Variants in PRKACB observed in about 807,000 individuals in gnomAD.
PRKACB encodes the protein cAMP-dependent protein kinase catalytic subunit beta.
A neutral mutation model predicts 51.4 loss-of-function variants in PRKACB; 16 were observed. The observed-to-expected ratio is 0.31, with a 90% CI of 0.21 to 0.47. The LOEUF is 0.47. PRKACB is among the 20% of genes least tolerant of loss of function. PRKACB has a pLI of 1.00. For missense variants in PRKACB, 309 were observed against 464.5 expected (o/e 0.67, Z 3.08); for synonymous variants, 147 against 154.4 (o/e 0.95, Z 0.35).
intron 1 of PRKACB, among the ~76,000 whole-genome samples, chr1:84,158,073 CTT>C (rs35694160): frequency 2.8e-4 from 42 of 148,006 alleles, no homozygotes; most frequent in Middle Eastern, 3.4e-3. Flanking sequence ...GTCTTTCTTT[CTT>C]TTTTTTTTTT....
At chr1:84,168,910 C>A (rs1278440905) in intron 1 of PRKACB, among the ~76,000 whole-genome samples, 1 of 151,470 alleles carries the variant, frequency 6.6e-6, no homozygotes, top group African/African-American at 2.4e-5. Flanking sequence ...GGCATCACTA[C>A]CAGCAAGGAA....
At chr1:84,205,798 T>C (rs1462476458) in intron 8 of PRKACB, among the ~76,000 whole-genome samples, 1 of 152,068 alleles carries the variant, frequency 6.6e-6, no homozygotes, top group African/African-American at 2.4e-5. Context: ...CCTACACATA[T>C]TTTGCCTTTA....
chr1:84,079,140 A>G (rs1163233905), intron 1 of PRKACB, among the ~76,000 whole-genome samples: 4 of 151,754 alleles, frequency 2.6e-5, no homozygotes, highest in African/African-American at 4.8e-5. Flanking sequence ...CTGTATGGCG[A>G]TAAGGTGTGT....
chr1:84,205,937 A>G (rs930072637), intron 8 of PRKACB, among the ~76,000 whole-genome samples: 1 of 152,178 alleles, frequency 6.6e-6, no homozygotes, highest in Non-Finnish European at 1.5e-5. Flanking sequence ...CTAACAATAC[A>G]TATGCTGAGT....
At chr1:84,170,741 A>G (rs1466784195) in intron 1 of PRKACB, among the ~76,000 whole-genome samples, 1 of 151,728 alleles carries the variant, frequency 6.6e-6, no homozygotes, top group African/African-American at 2.4e-5. Flanking sequence ...TAGACATAGT[A>G]AAATTATCAC....
intron 1 of PRKACB, among the ~76,000 whole-genome samples, chr1:84,099,788 G>A (rs1649193467): frequency 6.6e-6 from 1 of 151,778 alleles, no homozygotes; most frequent in Non-Finnish European, 1.5e-5. Flanking sequence ...GTTTCTAGTT[G>A]TGAGGTTTAG....
intron 1 of PRKACB, chr1:84,164,263 T>A: frequency 6.8e-7 from 1 of 1,464,548 alleles, no homozygotes; most frequent in Non-Finnish European, 9.1e-7. Context: ...CTATCAGCGA[T>A]CTCGGCAATA....
rs879576981 is a variant in PRKACB at position 84,135,738 on chromosome 1, A to AT, written c.47-43430dup. Among the ~76,000 whole-genome samples the AT allele has an allele frequency of 3.6e-4, 55 of 151,204 alleles. 1 individual carries two copies. The South Asian group carries it at 4.0e-3, about 11-fold the overall frequency. On this transcript the variant is annotated intron_variant, in intron 1 of 8. Transcript: ENST00000370688. ...ATGATAATCAGAGTACAGTTTATCAATTTTTTTTTGCAATTTAGTAAAGGC... is the reference window on the plus strand; with the variant it reads ...ATGATAATCAGAGTACAGTTTATCAATTTTTTTTTTGCAATTTAGTAAAGGC...
intron 9 of PRKACB, among the ~76,000 whole-genome samples, chr1:84,215,076 A>G (rs1672698292): frequency 6.6e-6 from 1 of 152,342 alleles, no homozygotes; most frequent in African/African-American, 2.4e-5. Flanking sequence ...TTCTTGTGGC[A>G]TATTGGTCTC....
rs191784506 is a variant in PRKACB, at chr1:84,186,572, C to T, written c.560+1390C>T. ...CTGAGTGCGTTATTCCCTGGCCCCTCGACTCTGATTTAGTTAGGTATGATG... is the reference window on the plus strand; with the variant it reads ...CTGAGTGCGTTATTCCCTGGCCCCTTGACTCTGATTTAGTTAGGTATGATG... On this transcript the variant is annotated intron_variant, in intron 5 of 9. Coordinates refer to ENST00000370685, the MANE Select transcript of PRKACB (RefSeq NM_182948.4). 8.3e-4 allele frequency among the ~76,000 whole-genome samples: 127 copies of T among 152,126 alleles called. 1 individual carries two copies. Among genetic ancestry groups the T allele is most frequent in the Admixed American group, 7.4e-3 (113 of 15,260 alleles).
intron 1 of PRKACB, among the ~76,000 whole-genome samples, chr1:84,163,996 G>A (rs1365475016): frequency 6.6e-6 from 1 of 151,902 alleles, no homozygotes; most frequent in East Asian, 1.9e-4. Context: ...TTTCATGTGA[G>A]GAATTTTACA....
At chr1:84,153,485 A>G (rs923722313) in intron 1 of PRKACB, among the ~76,000 whole-genome samples, 2 of 152,126 alleles carry the variant, frequency 1.3e-5, no homozygotes, top group African/African-American at 4.8e-5. Flanking sequence ...ACCATTCTAT[A>G]CGATGAATCT....
chr1:84,175,782 C>A, intron 1 of PRKACB: 1 of 1,566,836 alleles, frequency 6.4e-7, no homozygotes. Context: ...GCAAACAAAT[C>A]TTGGGTGAAC....
chr1:84,091,676 C>T (rs748017322), intron 1 of PRKACB, among the ~76,000 whole-genome samples: 39 of 151,714 alleles, frequency 2.6e-4, no homozygotes, highest in Non-Finnish European at 4.9e-4. Context: ...GGCTAATTTT[C>T]GTATTTTTGG....
chr1:84,233,282 C>A (rs1455533455), intron 9 of PRKACB, among the ~76,000 whole-genome samples: 2 of 152,026 alleles, frequency 1.3e-5, no homozygotes, highest in South Asian at 2.1e-4. Flanking sequence ...CCGAGAGATC[C>A]GCTGTTAGTC....
intron 7 of PRKACB, among the ~76,000 whole-genome samples, chr1:84,199,544 G>A (rs143288627): frequency 2.2e-3 from 336 of 152,204 alleles, no homozygotes; most frequent in Non-Finnish European, 3.6e-3. Flanking sequence ...TCTTTGTCTA[G>A]TCTACAATTG....
intron 1 of PRKACB, among the ~76,000 whole-genome samples, chr1:84,104,278 G>C (rs1008661667): frequency 6.6e-6 from 1 of 151,910 alleles, no homozygotes; most frequent in East Asian, 1.9e-4. Context: ...CATCCTCTAG[G>C]CTCATCCATG....
Position 84,078,468 on chromosome 1 carries a change from C to G in PRKACB, c.46+97C>G. 6.4e-6 allele frequency: 9 copies of G among 1,410,240 alleles called. No homozygotes were observed. The South Asian group carries it at 1.2e-4, about 19-fold the overall frequency. 87.4% of individuals were successfully genotyped at this position (1,410,240 alleles called of 1,614,324 possible). On this transcript the variant is annotated intron_variant, in intron 1 of 8. Coordinates refer to the PRKACB transcript ENST00000370688. ...AGCTTCTGAGGCCGCGGGCACGGGC[C>G]AGGCCTAGCAGCGGCCGCCGGGAGT...
intron 1 of PRKACB, among the ~76,000 whole-genome samples, chr1:84,149,875 G>C (rs1388536097): frequency 6.6e-6 from 1 of 151,850 alleles, no homozygotes; most frequent in Non-Finnish European, 1.5e-5. Flanking sequence ...TATCTTTTTG[G>C]AGTTAATTAT....
Sources: gnomAD v4.1 joint callset for allele counts (sites outside exome capture counted in the v4.1 genomes callset) on GRCh38, gnomAD v4.1.1 for gene constraint, MANE v1.5 for transcripts, NCBI Gene and HGNC (gene_info 2026-07-23, HGNC 2026-07-21) for gene names.